Variants in SULT6B1 observed in about 807,000 individuals in gnomAD.
SULT6B1 encodes the protein sulfotransferase 6B1.
A neutral mutation model predicts 37.2 loss-of-function variants in SULT6B1; 44 were observed. The ratio of observed to expected loss-of-function variants is 1.18; its 90% confidence interval spans 0.93 to 1.52. The LOEUF is 1.52. Ranked by LOEUF, SULT6B1 falls within the 40% of genes most tolerant of loss-of-function variation. The pLI is 0.00. For synonymous variants in SULT6B1, 140 were observed against 126.0 expected, an observed-to-expected ratio of 1.11 and a Z score of -0.74; for missense variants, 450 against 361.0, an observed-to-expected ratio of 1.25 and a Z score of -2.00.
Position 37,188,500 on chromosome 2 carries a change from C to G in SULT6B1, c.141G>C (p.Ala47=), listed in dbSNP as rs778510865. The G allele has an allele frequency of 6.2e-7, 1 of 1,614,030 alleles. No individual in the cohort carries two copies. Among genetic ancestry groups the G allele is most frequent in the African/African-American group, 1.3e-5 (1 of 74,926 alleles). The change falls in exon 1 of 7, where the codon GCG becomes GCC. Residue 47 remains alanine (A), a synonymous_variant. Transcript: ENST00000535679. ...CATGTCTGGCTTCGAAGGTGTCCAG[C>G]GCTTGGAAAGTTTCTGAGGTGCACA... ...ITMCTSETFQ[A]LDTFEARHDD...
intron 5 of SULT6B1, among the ~76,000 whole-genome samples, chr2:37,172,896 A>C (rs917312136): frequency 6.6e-6 from 1 of 150,840 alleles, no homozygotes; most frequent in Non-Finnish European, 1.5e-5. Flanking sequence ...TCTGTGGCCC[A>C]CGCTGGAGTG....
At chr2:37,185,428 G>A (rs1314035302) in intron 2 of SULT6B1, among the ~76,000 whole-genome samples, 1 of 151,946 alleles carries the variant, frequency 6.6e-6, no homozygotes, top group African/African-American at 2.4e-5. Context: ...AAATTAAAGG[G>A]CATATTGGCC....
At chr2:37,182,196 C>G (rs1676566945) in intron 3 of SULT6B1, among the ~76,000 whole-genome samples, 1 of 151,854 alleles carries the variant, frequency 6.6e-6, no homozygotes, top group Non-Finnish European at 1.5e-5. Context: ...TTGTGCCTTT[C>G]TTTGCTCTTA....
chr2:37,179,135 T>A (rs1045242305), intron 4 of SULT6B1, among the ~76,000 whole-genome samples: 3 of 152,168 alleles, frequency 2.0e-5, no homozygotes, highest in Admixed American at 2.0e-4. Flanking sequence ...ATTTTTTGTA[T>A]TTTTAGTAGA....
At chr2:37,175,346 T>C in intron 4 of SULT6B1, 120 bp from the exon 5 acceptor site, 1 of 435,502 alleles carries the variant, frequency 2.3e-6, no homozygotes, top group Non-Finnish European at 4.0e-6. Flanking sequence ...TATCTTTATG[T>C]TATTATAAAT....
chr2:37,190,104 G>A (rs1209593903), upstream of SULT6B1, among the ~76,000 whole-genome samples: 3 of 152,156 alleles, frequency 2.0e-5, no homozygotes, highest in African/African-American at 7.2e-5. Context: ...AATTATTGGA[G>A]TCTCAACAAT....
intron 4 of SULT6B1, among the ~76,000 whole-genome samples, chr2:37,176,493 C>T (rs1017628852): frequency 2.0e-5 from 3 of 152,014 alleles, no homozygotes; most frequent in Admixed American, 2.0e-4. Context: ...CTCCTGACTT[C>T]AGGTGATCCG....
chr2:37,186,611 G>C (rs543478904), intron 2 of SULT6B1, among the ~76,000 whole-genome samples: 128 of 152,232 alleles, frequency 8.4e-4, no homozygotes, highest in African/African-American at 2.9e-3. Flanking sequence ...ATCATGTCTG[G>C]CTGGGTGCGG....
chr2:37,186,397 T>G (rs1417750377), intron 2 of SULT6B1, among the ~76,000 whole-genome samples: 1 of 152,162 alleles, frequency 6.6e-6, no homozygotes, highest in Non-Finnish European at 1.5e-5. Flanking sequence ...CTCCCACTCC[T>G]TTCTTGCCTT....
At chr2:37,175,010 A>T in intron 5 of SULT6B1, 122 bp downstream of exon 5, 1 of 515,746 alleles carries the variant, frequency 1.9e-6, no homozygotes, top group Non-Finnish European at 3.3e-6. Flanking sequence ...ACTGTACCAT[A>T]TATCTGGAAT....
At chr2:37,193,667 AAGG>A (rs1241859792), upstream of SULT6B1, among the ~76,000 whole-genome samples, 15 of 151,776 alleles carry the variant, frequency 9.9e-5, no homozygotes, top group African/African-American at 3.1e-4. Context: ...GAAGGAGAAG[AAGG>A]AGAAGAAGGA....
At chr2:37,183,707 G>A (rs1041220955) in intron 2 of SULT6B1, among the ~76,000 whole-genome samples, 193 bp from the exon 3 acceptor site, 6 of 152,054 alleles carry the variant, frequency 3.9e-5, no homozygotes, top group South Asian at 4.1e-4. Context: ...GTTGTGGCGC[G>A]ATCTCAGCTC....
At chr2:37,176,258 A>G (rs1272518562) in intron 4 of SULT6B1, among the ~76,000 whole-genome samples, 1 of 120,828 alleles carries the variant, frequency 8.3e-6, no homozygotes, top group East Asian at 2.7e-4. Flanking sequence ...AACACGCAAT[A>G]GCTTTTTTTT....
Position 37,175,173 on chromosome 2 carries a change from C to A in SULT6B1, c.583G>T (p.Gly195Cys). The part of the protein sequence containing the change: ...FAINWNKHLD[G>C]DNVKFILYED... ...TATAATATGAACTTAACATTGTCGC[C>A]ATCAAGATGTTTGTTCCAATTGATT... Residue 195 changes from glycine to cysteine, a missense_variant, in exon 5 of 7, where the codon GGC becomes TGC. Coordinates refer to ENST00000535679, the MANE Select transcript of SULT6B1 (RefSeq NM_001367551.1). The A allele has an allele frequency of 6.3e-7, 1 of 1,581,822 alleles. No homozygotes were observed. Among genetic ancestry groups the A allele is most frequent in the South Asian group, 1.2e-5 (1 of 85,726 alleles).
chr2:37,178,940 G>A (rs999242194), intron 4 of SULT6B1, among the ~76,000 whole-genome samples: 2 of 149,900 alleles, frequency 1.3e-5, no homozygotes, highest in African/African-American at 4.9e-5. Flanking sequence ...CATACGACTT[G>A]TCCAAATTAG....
At chr2:37,193,538 G>GT (rs1453705373), upstream of SULT6B1, among the ~76,000 whole-genome samples, 2 of 142,524 alleles carry the variant, frequency 1.4e-5, no homozygotes, top group South Asian at 2.3e-4. Flanking sequence ...CTTTTCCTTT[G>GT]TTTTTTTCCA....
At chr2:37,185,351 A>G (rs1676647968) in intron 2 of SULT6B1, among the ~76,000 whole-genome samples, 3 of 152,302 alleles carry the variant, frequency 2.0e-5, no homozygotes, top group South Asian at 4.1e-4. Context: ...AAAAATATGT[A>G]CTCCAGAAAA....
chr2:37,190,156 A>G (rs1676753129), upstream of SULT6B1, among the ~76,000 whole-genome samples: 1 of 152,230 alleles, frequency 6.6e-6, no homozygotes, highest in Admixed American at 6.5e-5. Context: ...TTTAGCCTAT[A>G]TCCTATCTGG....
intron 5 of SULT6B1, among the ~76,000 whole-genome samples, chr2:37,173,142 C>T (rs1159052559): frequency 1.3e-5 from 2 of 152,188 alleles, no homozygotes; most frequent in Non-Finnish European, 2.9e-5. Flanking sequence ...CGTGAGCCAC[C>T]ATGCCTGGCC....
Sources: gnomAD v4.1 joint callset for allele counts (sites outside exome capture counted in the v4.1 genomes callset) on GRCh38, gnomAD v4.1.1 for gene constraint, MANE v1.5 for transcripts, NCBI Gene and HGNC (gene_info 2026-07-23, HGNC 2026-07-21) for gene names.